DDX46: variants seen among roughly 807,000 people sequenced by gnomAD.
The protein encoded by DDX46 is DEAD-box helicase 46.
A neutral mutation model predicts 134.9 loss-of-function variants in DDX46; 30 were observed. The ratio of observed to expected loss-of-function variants is 0.22; its 90% CI spans 0.17 to 0.30. The LOEUF is 0.30. DDX46 is among the 10% of genes least tolerant of loss of function. The pLI, the probability that DDX46 is intolerant of heterozygous loss-of-function variation, is 1.00. For missense variants in DDX46, 622 were observed against 1,248.7 expected (o/e 0.50, Z 7.56); for synonymous variants, 415 against 404.1 (o/e 1.03, Z -0.32).
In DDX46 at chr5:134,778,881, A is replaced by G. The variant is rs546915727; in HGVS notation, c.765+1156A>G. ...GAACCACCGTGCCCAGCCTCATTTT[A>G]TTTTATTTTATATTAATTTAATTTA... On this transcript the variant is annotated intron_variant, in intron 6 of 22. Coordinates refer to ENST00000452510, the MANE Select transcript of DDX46 (RefSeq NM_001300860.2). Among the ~76,000 whole-genome samples, 11 of 146,952 alleles carry G rather than the reference A, an allele frequency of 7.5e-5. No homozygotes were observed. In the South Asian group the frequency reaches 2.4e-3, roughly 32 times the overall value.
At chr5:134,772,092 G>A (rs181902385) in intron 4 of DDX46, among the ~76,000 whole-genome samples, 453 of 152,230 alleles carry the variant, frequency 3.0e-3, no homozygotes, top group Non-Finnish European at 5.3e-3. Context: ...TTAGCCAGGC[G>A]TGATGGCGCA....
intron 11 of DDX46, 47 bp downstream of exon 11, chr5:134,785,633 G>A: frequency 6.4e-7 from 1 of 1,556,592 alleles, no homozygotes; most frequent in Non-Finnish European, 8.7e-7. Context: ...TTCTCAAGTT[G>A]GATGATTCAA....
chr5:134,811,433 T>C, intron 17 of DDX46, 75 bp downstream of exon 17: 1 of 1,537,412 alleles, frequency 6.5e-7, no homozygotes, highest in Non-Finnish European at 8.8e-7. Flanking sequence ...TTCTTGGAAA[T>C]CTTTTATTTA....
Position 134,821,886 on chromosome 5 carries a change from GT to G in DDX46, c.2977+2891del, listed in dbSNP as rs113121128. Among the ~76,000 whole-genome samples the G allele has an allele frequency of 5.4e-3, 788 of 144,934 alleles. 3 individuals carry two copies. The highest frequency in any genetic ancestry group is 0.043 in the Middle Eastern group (12 of 280). ...TTTCTTTTGCTATATGTATTTTTAG[GT>G]TTTTTTTTGTTTTTTTTTTTTTTGA... On this transcript the variant is annotated intron_variant, in intron 21 of 22. Transcript: ENST00000452510.
intron 3 of DDX46, among the ~76,000 whole-genome samples, chr5:134,769,052 C>T (rs1290187441): frequency 6.6e-6 from 1 of 151,888 alleles, no homozygotes; most frequent in Middle Eastern, 3.2e-3. Flanking sequence ...AGAGAGACTC[C>T]GTCTCAAAAA....
At position 134,799,327 on chromosome 5, in the gene DDX46, T is replaced by C. The variant is rs933481356; in HGVS notation, c.1954+3177T>C. ...CAAAACTTGTTTCACTTTTTTTTTT[T>C]TTCTGAGACAGAGTCTCCCTATGCT... On this transcript the variant is annotated intron_variant, in intron 15 of 22. Coordinates refer to ENST00000452510, the MANE Select transcript of DDX46 (RefSeq NM_001300860.2). Among the ~76,000 whole-genome samples, 6 of 152,154 alleles carry C rather than the reference T, an allele frequency of 3.9e-5. No homozygotes were observed. In the South Asian group the frequency reaches 1.2e-3, roughly 32 times the overall value.
intron 13 of DDX46, among the ~76,000 whole-genome samples, chr5:134,794,542 AT>A (rs1561864471): frequency 6.6e-6 from 1 of 152,178 alleles, no homozygotes; most frequent in Non-Finnish European, 1.5e-5. Flanking sequence ...TGGGTCTTTA[AT>A]AAAAATGTGT....
At chr5:134,808,106 C>T (rs1233617178) in intron 16 of DDX46, among the ~76,000 whole-genome samples, 165 bp downstream of exon 16, 2 of 152,098 alleles carry the variant, frequency 1.3e-5, no homozygotes, top group African/African-American at 4.8e-5. Context: ...ATGTACAGGT[C>T]TAAGTGTTGT....
At chr5:134,824,653 C>G (rs1262834154) in intron 21 of DDX46, among the ~76,000 whole-genome samples, 1 of 152,130 alleles carries the variant, frequency 6.6e-6, no homozygotes, top group African/African-American at 2.4e-5. Context: ...TTTAAGTGAT[C>G]TAAATCTTTT....
chr5:134,813,620 T>G lies in DDX46; in HGVS notation c.2436+1775T>G, dbSNP rs575643331. Among the ~76,000 whole-genome samples the G allele has an allele frequency of 2.8e-5, 4 of 142,552 alleles. No homozygotes were observed. In the East Asian group the frequency reaches 6.4e-4, roughly 23 times the overall value. 93.5% of individuals were successfully genotyped at this position (142,552 alleles called of 152,430 possible). A position where few individuals can be genotyped will look rare whatever the true frequency, so the allele number is the denominator to read the frequency against. ...CACTTCCACTTTATTCTTTATGGGG[T>G]TTTTTTTGTCTTGTTTTGTTTTGTT... On this transcript the variant is annotated intron_variant, in intron 18 of 22. Coordinates refer to ENST00000452510, the MANE Select transcript of DDX46 (RefSeq NM_001300860.2).
intron 12 of DDX46, 168 bp from the exon 13 acceptor site, chr5:134,790,302 T>C (rs1225985703): frequency 1.6e-6 from 1 of 634,156 alleles, no homozygotes; most frequent in African/African-American, 1.8e-5. Flanking sequence ...GATTAAGACA[T>C]TGTAGATCAA....
intron 2 of DDX46, among the ~76,000 whole-genome samples, chr5:134,766,577 C>T (rs952149701): frequency 6.6e-6 from 1 of 151,380 alleles, no homozygotes; most frequent in Non-Finnish European, 1.5e-5. Context: ...AAAAATTAGC[C>T]GGGCATGGTG....
At chr5:134,795,891 A>G in intron 14 of DDX46, 97 bp from the exon 15 acceptor site, 1 of 1,077,268 alleles carries the variant, frequency 9.3e-7, no homozygotes, top group Non-Finnish European at 1.3e-6. Flanking sequence ...ATAGCAAGAT[A>G]TTGTCATTCA....
At chr5:134,795,911 A>G (rs1754641793) in intron 14 of DDX46, 77 bp from the exon 15 acceptor site, 2 of 1,325,368 alleles carry the variant, frequency 1.5e-6, no homozygotes, top group African/African-American at 1.5e-5. Flanking sequence ...ATTCACTACA[A>G]ATAAAATGAA....
chr5:134,788,287 A>G (rs184585933), intron 11 of DDX46, among the ~76,000 whole-genome samples: 1 of 152,014 alleles, frequency 6.6e-6, no homozygotes, highest in East Asian at 1.9e-4. Context: ...TTTGAGGGAT[A>G]GTGGCAAATC....
intron 12 of DDX46, among the ~76,000 whole-genome samples, 198 bp downstream of exon 12, chr5:134,788,789 C>T (rs1219764475): frequency 6.6e-6 from 1 of 151,300 alleles, no homozygotes; most frequent in Non-Finnish European, 1.5e-5. Context: ...GCGGAGCTTG[C>T]AGTGAGCCAA....
At position 134,763,634 on chromosome 5, in the gene DDX46, C is replaced by T. The variant is rs529460899; in HGVS notation, c.18-270C>T. On this transcript the variant is annotated intron_variant, in intron 1 of 22. Coordinates refer to ENST00000452510, the MANE Select transcript of DDX46 (RefSeq NM_001300860.2). ...ACTTGTCTGCCGTCTTTTCCTTTAC[C>T]GGAGTGTAAGCTGCCTGGAGCTCAA... Among the ~76,000 whole-genome samples the T allele has an allele frequency of 4.6e-5, 7 of 152,186 alleles. No homozygotes were observed. In the East Asian group the frequency reaches 9.6e-4, roughly 21 times the overall value.
intron 16 of DDX46, among the ~76,000 whole-genome samples, chr5:134,808,811 AAT>A (rs1278054200): frequency 5.3e-5 from 8 of 152,208 alleles, no homozygotes; most frequent in Non-Finnish European, 1.0e-4. Context: ...TGATATATTT[AAT>A]TTTCTAACCC....
At chr5:134,814,317 C>G (rs976438995) in intron 18 of DDX46, among the ~76,000 whole-genome samples, 4 of 152,112 alleles carry the variant, frequency 2.6e-5, no homozygotes, top group African/African-American at 9.7e-5. Context: ...AAAGGGAAAA[C>G]TGCAGTATTT....
Sources: allele counts gnomAD v4.1 joint callset (sites outside exome capture counted in the v4.1 genomes callset), GRCh38; gene constraint gnomAD v4.1.1; transcripts MANE v1.5; gene names NCBI Gene and HGNC (gene_info 2026-07-23, HGNC 2026-07-21).